VOPP1: variants seen among roughly 807,000 people sequenced by gnomAD.
VOPP1 encodes the protein VOPP1 WW domain binding protein, also known as WW domain binding protein VOPP1.
A neutral mutation model predicts 23.5 loss-of-function variants in VOPP1; 8 were observed. The observed-to-expected ratio is 0.34, with a 90% CI of 0.20 to 0.61. The LOEUF (loss-of-function observed/expected upper bound fraction) is 0.61, where lower values mean the gene tolerates loss of function less well. Among genes scored for constraint, VOPP1 ranks in the 20% least tolerant of loss-of-function variants. VOPP1 has a pLI of 0.78. For synonymous variants in VOPP1, 83 were observed against 97.3 expected (o/e 0.85, Z 0.86); for missense variants, 174 against 238.1 (o/e 0.73, Z 1.77).
chr7:55,494,147 G>A (rs1193659997), intron 3 of VOPP1, among the ~76,000 whole-genome samples: 4 of 152,236 alleles, frequency 2.6e-5, no homozygotes, highest in African/African-American at 7.2e-5. Flanking sequence ...CCGTTCAGGA[G>A]TGTGGTGATG....
chr7:55,550,886 T>A (rs1797578886), intron 1 of VOPP1, among the ~76,000 whole-genome samples: 1 of 152,224 alleles, frequency 6.6e-6, no homozygotes, highest in African/African-American at 2.4e-5. Context: ...CTTATTTTCA[T>A]AATAAAGCAA....
chr7:55,508,847 C>T (rs565180322), intron 2 of VOPP1, among the ~76,000 whole-genome samples: 1 of 152,180 alleles, frequency 6.6e-6, no homozygotes, highest in Non-Finnish European at 1.5e-5. Context: ...CAGAAGTCTG[C>T]CTATGAGTTC....
At chr7:55,507,839 G>A (rs78619527) in intron 2 of VOPP1, among the ~76,000 whole-genome samples, 1,704 of 152,218 alleles carry the variant, frequency 0.011, 11 homozygotes, top group Middle Eastern at 0.02. Flanking sequence ...CACATCCCAT[G>A]GCGAAGTCAA....
At chr7:55,548,392 C>T (rs1451543692) in intron 1 of VOPP1, among the ~76,000 whole-genome samples, 2 of 152,240 alleles carry the variant, frequency 1.3e-5, no homozygotes, top group African/African-American at 4.8e-5. Context: ...GCCTGGTCCT[C>T]AGAGGCTCCG....
intron 2 of VOPP1, among the ~76,000 whole-genome samples, chr7:55,512,448 A>C (rs1395355988): frequency 1.3e-5 from 2 of 152,136 alleles, no homozygotes; most frequent in African/African-American, 4.8e-5. Flanking sequence ...AAGAAAAATA[A>C]ATCAAGGTCA....
chr7:55,440,390 C>T (rs1300478648), intron 4 of VOPP1, among the ~76,000 whole-genome samples: 1 of 152,238 alleles, frequency 6.6e-6, no homozygotes, highest in East Asian at 1.9e-4. Context: ...GACCTTCACT[C>T]TGGGCAAGAG....
At chr7:55,479,620 T>C (rs955307973) in intron 4 of VOPP1, among the ~76,000 whole-genome samples, 1 of 152,242 alleles carries the variant, frequency 6.6e-6, no homozygotes, top group African/African-American at 2.4e-5. Context: ...CCAGAAATTT[T>C]AGAGCAATAT....
intron 2 of VOPP1, among the ~76,000 whole-genome samples, chr7:55,510,842 A>T (rs1478485391): frequency 6.6e-6 from 1 of 151,084 alleles, no homozygotes; most frequent in South Asian, 2.1e-4. Context: ...CCATGCCTGC[A>T]CTCCTCCCAA....
intron 1 of VOPP1, among the ~76,000 whole-genome samples, chr7:55,546,387 G>C (rs1266055082): frequency 6.6e-6 from 1 of 152,228 alleles, no homozygotes; most frequent in African/African-American, 2.4e-5. Context: ...GAGGTGGTAG[G>C]ATGCAAGAAG....
At chr7:55,454,784 T>A (rs909703618) in intron 4 of VOPP1, among the ~76,000 whole-genome samples, 1 of 152,180 alleles carries the variant, frequency 6.6e-6, no homozygotes, top group East Asian at 1.9e-4. Flanking sequence ...AAACTAGGTA[T>A]TGATGGAACA....
intron 1 of VOPP1, among the ~76,000 whole-genome samples, chr7:55,555,283 G>A (rs914567265): frequency 3.3e-5 from 5 of 152,206 alleles, no homozygotes; most frequent in Non-Finnish European, 5.9e-5. Flanking sequence ...TTGCCCTCCC[G>A]ACCACCCCCC....
At chr7:55,554,664 G>C (rs1797741858) in intron 1 of VOPP1, among the ~76,000 whole-genome samples, 1 of 152,196 alleles carries the variant, frequency 6.6e-6, no homozygotes, top group African/African-American at 2.4e-5. Flanking sequence ...AGAACCAATG[G>C]GCGGAGCTTT....
intron 4 of VOPP1, among the ~76,000 whole-genome samples, chr7:55,443,283 G>C (rs146769260): frequency 0.016 from 2,449 of 152,246 alleles, 73 homozygotes; most frequent in African/African-American, 0.054. Context: ...GGCTGGGCGT[G>C]GTGGCTCACG....
At chr7:55,473,947 T>C (rs1328192480) in intron 4 of VOPP1, among the ~76,000 whole-genome samples, 2 of 152,270 alleles carry the variant, frequency 1.3e-5, no homozygotes, top group East Asian at 3.9e-4. Context: ...CCTGACACAG[T>C]GTGATATAGT....
At chr7:55,456,299 C>T (rs1308718775) in intron 4 of VOPP1, among the ~76,000 whole-genome samples, 1 of 152,176 alleles carries the variant, frequency 6.6e-6, no homozygotes, top group African/African-American at 2.4e-5. Context: ...CAGGAAACAA[C>T]AGATGCTTGA....
chr7:55,542,885 A>T (rs558401322), intron 1 of VOPP1, among the ~76,000 whole-genome samples: 9 of 151,592 alleles, frequency 5.9e-5, no homozygotes, highest in African/African-American at 2.2e-4. Flanking sequence ...CATTACTGCA[A>T]CTAGCAGGAT....
intron 3 of VOPP1, 121 bp from the exon 4 acceptor site, chr7:55,492,539 G>T: frequency 8.3e-7 from 1 of 1,207,764 alleles, no homozygotes; most frequent in Non-Finnish European, 1.1e-6. Context: ...CCAAATGCAC[G>T]AGTCAGAAGG....
rs747551674 is a variant in VOPP1, at chr7:55,497,752, C to T, written c.114-62G>A. ...GGAAGCAGCCACCGGACCAGCCATG[C>T]GGCCCAGGCTGGGCTTCAATGTAAT... On this transcript the variant is annotated intron_variant, in intron 2 of 4. Coordinates refer to ENST00000285279, the MANE Select transcript of VOPP1 (RefSeq NM_030796.5). The T allele has an allele frequency of 5.5e-5, 80 of 1,460,190 alleles. No individual in the cohort carries two copies. The Middle Eastern group carries it at 1.0e-3, about 19-fold the overall frequency. 90.5% of individuals were successfully genotyped at this position (1,460,190 alleles called of 1,614,324 possible).
At chr7:55,530,718 C>T (rs1336485342) in intron 1 of VOPP1, 3 of 152,174 alleles carry the variant, frequency 2.0e-5, no homozygotes, top group Non-Finnish European at 4.4e-5. Context: ...CATTATTTTG[C>T]TGTATAGAAG....
Sources: allele counts gnomAD v4.1 joint callset (sites outside exome capture counted in the v4.1 genomes callset), GRCh38; gene constraint gnomAD v4.1.1; transcripts MANE v1.5; gene names NCBI Gene and HGNC (gene_info 2026-07-23, HGNC 2026-07-21).